Variants in EXOC6B observed in about 807,000 individuals in gnomAD.
The protein encoded by EXOC6B is SEC15 homolog B.
In EXOC6B, 54 loss-of-function variants were observed where a neutral mutation model predicts 113.5. The observed-to-expected ratio is 0.48, with a 90% CI of 0.38 to 0.60. The LOEUF is 0.60. EXOC6B is among the 20% of genes least tolerant of loss of function. The pLI is 0.00. For missense variants in EXOC6B, 797 were observed against 977.5 expected (o/e 0.82, Z 2.46); for synonymous variants, 357 against 339.0 (o/e 1.05, Z -0.58).
chr2:72,452,142 G>A (rs1485304754), intron 18 of EXOC6B, among the ~76,000 whole-genome samples: 2 of 152,034 alleles, frequency 1.3e-5, no homozygotes, highest in Admixed American at 1.3e-4. Context: ...CCTTTACAGT[G>A]CACTCCCAAC....
At chr2:72,275,558 A>G (rs944625327) in intron 20 of EXOC6B, among the ~76,000 whole-genome samples, 1 of 152,206 alleles carries the variant, frequency 6.6e-6, no homozygotes, top group Non-Finnish European at 1.5e-5. Flanking sequence ...TCACATAGAC[A>G]TGGATGGTCA....
chr2:72,188,710 TCTC>T (rs1412808027), intron 20 of EXOC6B, among the ~76,000 whole-genome samples: 1 of 152,204 alleles, frequency 6.6e-6, no homozygotes, highest in Non-Finnish European at 1.5e-5. Flanking sequence ...TGCTATAAAT[TCTC>T]CTGCAAGGAC....
intron 11 of EXOC6B, among the ~76,000 whole-genome samples, chr2:72,508,163 C>CAAAAAAA (rs67586747): frequency 7.0e-5 from 4 of 57,522 alleles, no homozygotes; most frequent in African/African-American, 2.6e-4. Flanking sequence ...ATATTACCCG[C>CAAAAAAA]AAAAAAAAAA....
intron 20 of EXOC6B, among the ~76,000 whole-genome samples, chr2:72,303,309 GGAT>G (rs1686646220): frequency 6.6e-6 from 1 of 152,102 alleles, no homozygotes; most frequent in African/African-American, 2.4e-5. Flanking sequence ...GAGTTTTCAA[GGAT>G]GATATCCTAA....
At chr2:72,404,675 C>A (rs914538129) in intron 18 of EXOC6B, among the ~76,000 whole-genome samples, 1 of 152,174 alleles carries the variant, frequency 6.6e-6, no homozygotes, top group African/African-American at 2.4e-5. Flanking sequence ...AACTAACAAA[C>A]AGAAAGGACA....
chr2:72,249,869 T>C (rs1237918969), intron 20 of EXOC6B, among the ~76,000 whole-genome samples: 1 of 152,212 alleles, frequency 6.6e-6, no homozygotes, highest in Non-Finnish European at 1.5e-5. Context: ...TTATTGAATA[T>C]TGGTAGCTTC....
At chr2:72,612,482 G>A (rs1671135468) in intron 6 of EXOC6B, among the ~76,000 whole-genome samples, 1 of 151,702 alleles carries the variant, frequency 6.6e-6, no homozygotes, top group Admixed American at 6.6e-5. Flanking sequence ...AGAAGTGGCA[G>A]TGCGCTTAAG....
At chr2:72,469,694 C>A (rs926425185) in intron 17 of EXOC6B, among the ~76,000 whole-genome samples, 1 of 151,792 alleles carries the variant, frequency 6.6e-6, no homozygotes, top group Non-Finnish European at 1.5e-5. Flanking sequence ...GAACATGGTG[C>A]GTCTTGGTGA....
At chr2:72,641,755 C>T (rs541220460) in intron 6 of EXOC6B, among the ~76,000 whole-genome samples, 1 of 152,370 alleles carries the variant, frequency 6.6e-6, no homozygotes, top group Non-Finnish European at 1.5e-5. Context: ...GACAGACTGC[C>T]TCCTCAAGTG....
At chr2:72,462,563 G>A (rs1697760883) in intron 18 of EXOC6B, 1 of 151,990 alleles carries the variant, frequency 6.6e-6, no homozygotes, top group African/African-American at 2.4e-5. Flanking sequence ...GGGATTGGGG[G>A]AGTGAGTTTG....
intron 18 of EXOC6B, among the ~76,000 whole-genome samples, chr2:72,386,611 G>T (rs762295229): frequency 5.3e-5 from 8 of 152,186 alleles, no homozygotes; most frequent in Non-Finnish European, 1.0e-4. Flanking sequence ...GTACAGCTCA[G>T]GCTGCTACTT....
chr2:72,710,058 C>T (rs949329151), intron 6 of EXOC6B, among the ~76,000 whole-genome samples: 9 of 152,072 alleles, frequency 5.9e-5, no homozygotes, highest in African/African-American at 2.2e-4. Context: ...GGTACCACCA[C>T]CGTGCCCAGC....
chr2:72,626,459 C>G (rs902847805), intron 6 of EXOC6B, among the ~76,000 whole-genome samples: 3 of 152,242 alleles, frequency 2.0e-5, no homozygotes, highest in African/African-American at 7.2e-5. Flanking sequence ...GGTTATCAGA[C>G]AAGATGATTT....
At chr2:72,225,705 C>A (rs558268924) in intron 20 of EXOC6B, among the ~76,000 whole-genome samples, 1 of 152,282 alleles carries the variant, frequency 6.6e-6, no homozygotes, top group South Asian at 2.1e-4. Context: ...ACCTTTTTAT[C>A]ATGGCATACT....
At chr2:72,584,352 C>T (rs917808577) in intron 6 of EXOC6B, among the ~76,000 whole-genome samples, 1 of 152,050 alleles carries the variant, frequency 6.6e-6, no homozygotes. Flanking sequence ...AAAAAAAGCA[C>T]AGGCTACCAT....
intron 1 of EXOC6B, among the ~76,000 whole-genome samples, chr2:72,799,499 G>A (rs886842555): frequency 2.6e-5 from 4 of 151,848 alleles, no homozygotes; most frequent in African/African-American, 4.8e-5. Context: ...GAGCCCAGGA[G>A]GCCGAAGCTG....
chr2:72,449,944 T>G (rs1241930769), intron 18 of EXOC6B, among the ~76,000 whole-genome samples: 1 of 152,220 alleles, frequency 6.6e-6, no homozygotes, highest in Non-Finnish European at 1.5e-5. Context: ...ATACTCTTAT[T>G]TATCTCTGTC....
chr2:72,515,426 G>A (rs1255824288), intron 8 of EXOC6B: 3 of 1,161,368 alleles, frequency 2.6e-6, no homozygotes, highest in South Asian at 2.8e-5. Flanking sequence ...AAGAATGCAG[G>A]GAAACCAACC....
chr2:72,495,191 T>C (rs1016252385), intron 15 of EXOC6B, among the ~76,000 whole-genome samples: 2 of 152,078 alleles, frequency 1.3e-5, no homozygotes, highest in Non-Finnish European at 2.9e-5. Context: ...TTAATAAGTG[T>C]TGAAATGCAA....
Sources: gnomAD v4.1 joint callset for allele counts (sites outside exome capture counted in the v4.1 genomes callset) on GRCh38, gnomAD v4.1.1 for gene constraint, MANE v1.5 for transcripts, NCBI Gene and HGNC (gene_info 2026-07-23, HGNC 2026-07-21) for gene names.